The following CNTN5 variants were observed in gnomAD, a reference collection of about 807,000 sequenced individuals.
CNTN5 encodes the protein contactin 5.
CNTN5 carries 77 observed loss-of-function variants against 129.1 expected under a neutral mutation model. The observed-to-expected ratio is 0.60, with a 90% CI of 0.50 to 0.72. The LOEUF is 0.72. Ranked by LOEUF, CNTN5 falls within the 30% of genes least tolerant of loss-of-function variation. The probability of loss-of-function intolerance (pLI) is 0.00; values close to 1 mark genes in which losing one functional copy is unlikely to be tolerated. For synonymous variants in CNTN5, 509 were observed against 465.6 expected, an observed-to-expected ratio of 1.09 and a Z score of -1.20; for missense variants, 1,478 against 1,328.8, an observed-to-expected ratio of 1.11 and a Z score of -1.75.
In CNTN5 at chr11:99,598,845, C is replaced by G. The variant is rs149126400; in HGVS notation, c.55+42576C>G. Among the ~76,000 whole-genome samples the G allele has an allele frequency of 5.0e-3, 759 of 152,012 alleles. 6 individuals carry two copies. The highest frequency in any genetic ancestry group is 0.017 in the African/African-American group (719 of 41,498). ...ATATTTTAATATGCAGGAAAAACAC[C>G]ATTTTTCCTGACAAGCAATGACATA... On this transcript the variant is annotated intron_variant, in intron 3 of 24. Transcript: ENST00000524871.
chr11:100,334,969 A>T (rs528874071), intron 21 of CNTN5, among the ~76,000 whole-genome samples: 6 of 121,530 alleles, frequency 4.9e-5, no homozygotes, highest in African/African-American at 1.1e-4. Context: ...ATTTTTTTTT[A>T]AAACTTGATA....
At chr11:99,046,226 G>C (rs1440671274) in intron 1 of CNTN5, among the ~76,000 whole-genome samples, 1 of 152,036 alleles carries the variant, frequency 6.6e-6, no homozygotes, top group African/African-American at 2.4e-5. Flanking sequence ...TGTAATCCCA[G>C]CTACTTGGGA....
At chr11:100,184,994 T>G (rs1017795225) in intron 13 of CNTN5, among the ~76,000 whole-genome samples, 6 of 147,526 alleles carry the variant, frequency 4.1e-5, no homozygotes, top group Admixed American at 2.0e-4. Flanking sequence ...TATGGGGCTC[T>G]TCCCACCTTG....
chr11:100,297,778 G>T, intron 19 of CNTN5, 83 bp downstream of exon 19: 1 of 1,056,580 alleles, frequency 9.5e-7, no homozygotes, highest in Non-Finnish European at 1.4e-6. Flanking sequence ...TGATTAAGCA[G>T]TCCACTTGAT....
At chr11:99,700,355 C>T (rs139835571) in intron 3 of CNTN5, among the ~76,000 whole-genome samples, 15 of 151,422 alleles carry the variant, frequency 9.9e-5, no homozygotes, top group South Asian at 2.1e-4. Context: ...TGAAATGCTA[C>T]GTTTATGAAA....
rs184460240 is a variant in CNTN5, at chr11:99,366,697, G to A, written c.-71+41213G>A. On this transcript the variant is annotated intron_variant, in intron 2 of 24. Coordinates refer to ENST00000524871, the MANE Select transcript of CNTN5 (RefSeq NM_014361.4). ...TCTGTGACGTCGCCACAGGGAGTTG[G>A]CATCTCTCTACATTGACAGAAATGA... Among the ~76,000 whole-genome samples, 32 of 152,254 alleles carry A rather than the reference G, an allele frequency of 2.1e-4. No individual in the cohort carries two copies. The East Asian group carries it at 5.4e-3, about 26-fold the overall frequency.
chr11:100,308,403 G>C lies in CNTN5; in HGVS notation c.2665G>C (p.Val889Leu). 6.2e-7 allele frequency: 1 copy of C among 1,611,140 alleles called. No homozygotes were observed. The highest frequency in any genetic ancestry group is 1.1e-5 in the South Asian group (1 of 91,014). ...PTDVKATSVS[V>L]SEILVAWKHI... is the part of the protein sequence containing the mutation. ...AGATGTCAAGGCGACAAGTGTGTCT[G>C]TGTCAGAGATTCTTGTTGCATGGAA... Residue 889 changes from valine (V) to leucine (L), a missense_variant, in exon 21 of 25, where the codon GTG becomes CTG. Transcript: ENST00000524871.
At chr11:99,861,703 G>A (rs12291535) in intron 6 of CNTN5, among the ~76,000 whole-genome samples, 1,964 of 152,252 alleles carry the variant, frequency 0.013, 51 homozygotes, top group African/African-American at 0.045. Context: ...TCTCAGTAAT[G>A]AAGTCGCAGT....
At chr11:99,161,814 C>G (rs1860623994) in intron 1 of CNTN5, among the ~76,000 whole-genome samples, 1 of 152,138 alleles carries the variant, frequency 6.6e-6, no homozygotes, top group African/African-American at 2.4e-5. Flanking sequence ...ATGTTTAGAA[C>G]AAGAAACTTG....
At chr11:99,843,003 G>A (rs754374622) in intron 4 of CNTN5, among the ~76,000 whole-genome samples, 1 of 152,148 alleles carries the variant, frequency 6.6e-6, no homozygotes, top group Non-Finnish European at 1.5e-5. Flanking sequence ...GGCCTAGGCG[G>A]GCGGATTACT....
At chr11:99,596,031 A>G (rs942628694) in intron 3 of CNTN5, among the ~76,000 whole-genome samples, 17 of 152,128 alleles carry the variant, frequency 1.1e-4, no homozygotes, top group Non-Finnish European at 1.5e-4. Flanking sequence ...GACACGCTTT[A>G]AAGTTTGAGG....
At chr11:100,115,513 C>A (rs889817609) in intron 13 of CNTN5, among the ~76,000 whole-genome samples, 4 of 151,940 alleles carry the variant, frequency 2.6e-5, no homozygotes, top group African/African-American at 7.2e-5. Context: ...CATGTTGTTT[C>A]CTGGAGTGTT....
chr11:99,305,991 GA>G (rs924995485), intron 1 of CNTN5, among the ~76,000 whole-genome samples: 5 of 150,884 alleles, frequency 3.3e-5, no homozygotes, highest in East Asian at 3.9e-4. Flanking sequence ...AAAAAAAAAA[GA>G]AAAAAAATAG....
At chr11:99,681,911 A>G (rs1435285202) in intron 3 of CNTN5, among the ~76,000 whole-genome samples, 2 of 152,094 alleles carry the variant, frequency 1.3e-5, no homozygotes, top group African/African-American at 2.4e-5. Context: ...TTAAATTATA[A>G]CAGTGAGAAA....
intron 3 of CNTN5, among the ~76,000 whole-genome samples, chr11:99,696,270 C>CA (rs1288733278): frequency 6.6e-6 from 1 of 152,060 alleles, no homozygotes; most frequent in Non-Finnish European, 1.5e-5. Context: ...ATATTATAAC[C>CA]AAGCATACTC....
intron 1 of CNTN5, among the ~76,000 whole-genome samples, chr11:99,073,359 TCTC>T (rs1482386257): frequency 1.3e-5 from 2 of 150,374 alleles, no homozygotes; most frequent in Non-Finnish European, 3.0e-5. Flanking sequence ...GACTGGTATG[TCTC>T]TTTATGGTTT....
chr11:99,420,058 A>G (rs1027087058), intron 2 of CNTN5, among the ~76,000 whole-genome samples: 1 of 152,034 alleles, frequency 6.6e-6, no homozygotes, highest in Non-Finnish European at 1.5e-5. Context: ...TGCTGGGGAA[A>G]CAGACATGTC....
In CNTN5 at chr11:99,408,448, GAGAAAGAAAGAA is replaced by G. The variant is rs1555137775; in HGVS notation, c.-71+83011_-71+83022del. 2.4e-3 allele frequency among the ~76,000 whole-genome samples: 186 copies of G among 78,128 alleles called. 1 individual carries two copies. Among genetic ancestry groups the G allele is most frequent in the Middle Eastern group, 6.4e-3 (1 of 156 alleles). The allele number at this position is 78,128 out of a possible 152,430, so 51.3% of individuals were successfully genotyped here. A position where few individuals can be genotyped will look rare whatever the true frequency, so the allele number is the denominator to read the frequency against. On this transcript the variant is annotated intron_variant, in intron 2 of 24. Coordinates refer to ENST00000524871, the MANE Select transcript of CNTN5 (RefSeq NM_014361.4). ...AAAGAAAAAGAAAGAAAGAAAGAAA[GAGAAAGAAAGAA>G]AGAAAGAAAGAAAGAAAGAAAGAAA...
chr11:99,401,247 G>T (rs1229080675), intron 2 of CNTN5, among the ~76,000 whole-genome samples: 2 of 152,204 alleles, frequency 1.3e-5, no homozygotes, highest in Non-Finnish European at 2.9e-5. Flanking sequence ...ATTTTGATTT[G>T]AATTTTGTAT....
Sources: allele counts gnomAD v4.1 joint callset (sites outside exome capture counted in the v4.1 genomes callset), GRCh38; gene constraint gnomAD v4.1.1; transcripts MANE v1.5; gene names NCBI Gene and HGNC (gene_info 2026-07-23, HGNC 2026-07-21).